The following REPIN1 variants were observed in gnomAD, a reference collection of about 807,000 sequenced individuals.
REPIN1 encodes the protein replication initiator 1, also known as DNA-binding protein REPIN1.
In REPIN1, 4 loss-of-function variants were observed where a neutral mutation model predicts 5.7. The observed-to-expected ratio is 0.71, with a 90% CI of 0.35 to 1.62. The LOEUF (loss-of-function observed/expected upper bound fraction) is 1.62. Among genes scored for constraint, REPIN1 ranks in the 40% most tolerant of loss-of-function variants. The pLI is 0.05. For missense variants in REPIN1, 854 were observed against 901.0 expected (o/e 0.95, Z 0.67); for synonymous variants, 410 against 386.2 (o/e 1.06, Z -0.72).
At position 150,372,543 on chromosome 7, in the gene REPIN1, G is replaced by A. The variant is rs772191581; in HGVS notation, c.1473G>A (p.Glu491=). ...CCGGCGAGCGGCCCTTCGCCTGCGA[G>A]GAGTGCGGCCGCCGCTTCTCCCAGG... The part of the protein sequence containing the change: ...VHSGERPFAC[E]ECGRRFSQGS... Residue 491 remains glutamate (E), a synonymous_variant, in exon 3 of 3, where the codon GAG becomes GAA. Coordinates refer to ENST00000489432, the MANE Select transcript of REPIN1 (RefSeq NM_001099695.2). The A allele has an allele frequency of 3.8e-6, 6 of 1,567,950 alleles. No individual in the cohort carries two copies. Among genetic ancestry groups the A allele is most frequent in the Middle Eastern group, 1.7e-4 (1 of 5,896 alleles).
Position 150,372,502 on chromosome 7 carries a change from C to T in REPIN1, c.1432C>T (p.His478Tyr). ...NFGKKTHLVA[H>Y]SRVHSGERPF... ...CGGCAAGAAGACGCACCTGGTGGCG[C>T]ACTCGCGCGTGCACTCCGGCGAGCG... The change falls in exon 3 of 3, where the codon CAC becomes TAC. Residue 478 changes from histidine to tyrosine, a missense_variant. Coordinates refer to ENST00000489432, the MANE Select transcript of REPIN1 (RefSeq NM_001099695.2). 3.9e-6 allele frequency: 6 copies of T among 1,547,636 alleles called. No homozygotes were observed. The highest frequency in any genetic ancestry group is 5.2e-6 in the Non-Finnish European group (6 of 1,152,730).
Position 150,371,430 on chromosome 7 carries a change from A to G in REPIN1, c.360A>G (p.Arg120=). Residue 120 remains arginine (R), a synonymous_variant, in exon 3 of 3, where the codon CGA becomes CGG. Coordinates refer to ENST00000489432, the MANE Select transcript of REPIN1 (RefSeq NM_001099695.2). ...GGGCCCATCGCTGTGCCCACTGTCG[A>G]AGGCACTTCCCTGGCTGGGTGGCTC... ...PGRAHRCAHC[R]RHFPGWVALW... 1 of 1,604,242 alleles carries G rather than the reference A, an allele frequency of 6.2e-7. No homozygotes were observed. Among genetic ancestry groups the G allele is most frequent in the Non-Finnish European group, 8.5e-7 (1 of 1,177,176 alleles).
In REPIN1 at chr7:150,371,715, G is replaced by A; in HGVS notation, c.645G>A (p.Lys215=). 2 of 1,607,946 alleles carry A rather than the reference G, an allele frequency of 1.2e-6. No individual in the cohort carries two copies. The highest frequency in any genetic ancestry group is 1.3e-5 in the African/African-American group (1 of 75,060). Reference sequence around the variant, plus strand: ...GCGAGAGACGCTTCTGGCGACGAAAGCAGCTTCGAGCTCATCTGCGGCGGT... The same window carrying A: ...GCGAGAGACGCTTCTGGCGACGAAAACAGCTTCGAGCTCATCTGCGGCGGT... ...PKCERRFWRR[K]QLRAHLRRCH... Residue 215 remains lysine, a synonymous_variant, in exon 3 of 3, where the codon AAG becomes AAA. Coordinates refer to ENST00000489432, the MANE Select transcript of REPIN1 (RefSeq NM_001099695.2).
chr7:150,370,096 A>G (rs775422165), intron 2 of REPIN1: 2 of 515,128 alleles, frequency 3.9e-6, no homozygotes, highest in Non-Finnish European at 3.4e-6. Context: ...AAGGGCCCTT[A>G]GGAGCCTAAC....
Position 150,371,912 on chromosome 7 carries a change from C to T in REPIN1, c.842C>T (p.Ala281Val), listed in dbSNP as rs558380115. 20 of 1,607,392 alleles carry T rather than the reference C, an allele frequency of 1.2e-5. 1 individual carries two copies. The South Asian group carries it at 1.7e-4, about 13-fold the overall frequency. The change falls in exon 3 of 3, where the codon GCC becomes GTC. Residue 281 changes from alanine to valine, a missense_variant. By Grantham distance (64) the Ala-to-Val change is moderately conservative. Coordinates refer to ENST00000489432, the MANE Select transcript of REPIN1 (RefSeq NM_001099695.2). ...PRPRGRPAVT[A>V]PRPGGDAVDR... is the part of the protein sequence containing the mutation. The stretch of plus-strand genomic sequence containing the variant: ...CCCAGGGGCCGCCCCGCGGTGACCG[C>T]CCCCCGGCCCGGTGGAGATGCCGTC...
chr7:150,371,244 G>T lies in REPIN1; in HGVS notation c.174G>T (p.Met58Ile). The T allele has an allele frequency of 6.3e-7, 1 of 1,597,358 alleles. No individual in the cohort carries two copies. Among genetic ancestry groups the T allele is most frequent in the East Asian group, 2.2e-5 (1 of 44,512 alleles). The change falls in exon 3 of 3, where the codon ATG (methionine) becomes ATT (isoleucine). Residue 58 changes from methionine (M) to isoleucine (I), a missense_variant. Met to Ile is a conservative substitution (Grantham distance 10). Transcript: ENST00000489432. ...CACCCTCAGCAGAGGAAGAACCGAT[G>T]CTGGAACGTCGTTGCAGGGGCCCCC... is the stretch of plus-strand genomic sequence containing the variant. ...LCSLQAEEEP[M>I]LERRCRGPLA... is the part of the protein sequence containing the mutation.
rs774189227 is a variant in REPIN1, at chr7:150,373,470, T to C, written c.*525T>C. On this transcript the variant is annotated 3_prime_UTR_variant, in exon 3 of 3. Transcript: ENST00000489432. ...AGCAAGAGGTGAAGCGAAGCCACTC[T>C]TACCTCTCCCTTCCCCTCCCACCTG... is the stretch of plus-strand genomic sequence containing the variant. 2.9e-5 allele frequency: 5 copies of C among 174,598 alleles called. No homozygotes were observed. The highest frequency in any genetic ancestry group is 4.8e-5 in the African/African-American group (2 of 41,502). The allele number at this position is 174,598 out of a possible 1,614,324, so 10.8% of individuals were successfully genotyped here. A position where few individuals can be genotyped will look rare whatever the true frequency, so the allele number is the denominator to read the frequency against.
Position 150,372,575 on chromosome 7 carries a change from A to T in REPIN1, c.1505A>T (p.His502Leu), listed in dbSNP as rs762466853. 1.2e-6 allele frequency: 2 copies of T among 1,601,580 alleles called. No individual in the cohort carries two copies. The highest frequency in any genetic ancestry group is 1.6e-4 in the Middle Eastern group (1 of 6,066). Residue 502 changes from histidine to leucine, a missense_variant, in exon 3 of 3, where the codon CAT becomes CTT. His to Leu is a moderately conservative substitution (Grantham distance 99, BLOSUM62 -3). Coordinates refer to ENST00000489432, the MANE Select transcript of REPIN1 (RefSeq NM_001099695.2). Reference protein sequence around the residue: ...ECGRRFSQGSHLAAHRRDHAP... With the variant: ...ECGRRFSQGSLLAAHRRDHAP... The stretch of plus-strand genomic sequence containing the variant: ...GGCCGCCGCTTCTCCCAGGGCAGCC[A>T]TCTGGCGGCGCATCGGCGCGACCAC...
intron 2 of REPIN1, 130 bp downstream of exon 2, chr7:150,369,998 G>A (rs904796916): frequency 3.6e-6 from 4 of 1,098,168 alleles, no homozygotes; most frequent in Admixed American, 5.5e-5. Context: ...CTGACACTGG[G>A]AATGAGTGAC....
In REPIN1 at chr7:150,372,101, C is replaced by G. The variant is rs1158702170; in HGVS notation, c.1031C>G (p.Thr344Ser). 1 of 1,612,148 alleles carries G rather than the reference C, an allele frequency of 6.2e-7. No individual in the cohort carries two copies. Among genetic ancestry groups the G allele is most frequent in the Non-Finnish European group, 8.5e-7 (1 of 1,179,676 alleles). Residue 344 changes from threonine (T) to serine (S), a missense_variant, in exon 3 of 3, where the codon ACC becomes AGC. Physicochemically the swap from Thr to Ser is moderately conservative, Grantham distance 58 (BLOSUM62 1). Around this residue, in one of 5 missense-constraint regions of REPIN1, gnomAD observed 327 missense variants for 307.8 expected, o/e 1.06. Coordinates refer to ENST00000489432, the MANE Select transcript of REPIN1 (RefSeq NM_001099695.2). ...CTGACTTCGCACCGGCGCATCCACA[C>G]CGGCGAGAAGCCCTACCCGTGCAAA... ...PYLTSHRRIH[T>S]GEKPYPCKEC...
Position 150,371,908 on chromosome 7 carries a change from AC to A in REPIN1, c.840del (p.Ala281ProfsTer28), listed in dbSNP as rs772028556. 6.2e-7 allele frequency: 1 copy of A among 1,607,242 alleles called. No homozygotes were observed. ...CCGGCCCAGGGGCCGCCCCGCGGTG[AC>A]CGCCCCCCGGCCCGGTGGAGATGCC... ...GPRPRGRPAVTAPRPGGDAVD... is the reference protein window; with the variant it reads ...GPRPRGRPAVXAPRPGGDAVD... On this transcript the variant is annotated frameshift_variant, in exon 3 of 3. Transcript: ENST00000489432. LOFTEE classifies it low-confidence loss of function (END_TRUNC).
Position 150,371,889 on chromosome 7 carries a change from C to A in REPIN1, c.819C>A (p.Pro273=). The A allele has an allele frequency of 6.2e-7, 1 of 1,606,414 alleles. No individual in the cohort carries two copies. Among genetic ancestry groups the A allele is most frequent in the Non-Finnish European group, 8.5e-7 (1 of 1,177,338 alleles). ...CAGCCAAGGCTCTGGGGCCCCGGCCCAGGGGCCGCCCCGCGGTGACCGCCC... is the reference window on the plus strand; with the variant it reads ...CAGCCAAGGCTCTGGGGCCCCGGCCAAGGGGCCGCCCCGCGGTGACCGCCC... The part of the protein sequence containing the change: ...EAAAKALGPR[P]RGRPAVTAPR... The change falls in exon 3 of 3, where the codon CCC becomes CCA. Residue 273 remains proline, a synonymous_variant. Coordinates refer to ENST00000489432, the MANE Select transcript of REPIN1 (RefSeq NM_001099695.2).
chr7:150,369,853 C>G lies in REPIN1; in HGVS notation c.142C>G (p.Leu48Val). The G allele has an allele frequency of 5.0e-6, 8 of 1,607,370 alleles. No individual in the cohort carries two copies. The highest frequency in any genetic ancestry group is 6.8e-6 in the Non-Finnish European group (8 of 1,175,274). ...KRSWKKPHPQ[L>V]CSLQAEEEPM... ...GAGCTGGAAAAAGCCTCATCCCCAG[C>G]TCTGCAGTCTCCAGGGTAGAGTCTG... The change falls in exon 2 of 3, where the codon CTC becomes GTC. Residue 48 changes from leucine to valine, a missense_variant. By Grantham distance (32) the Leu-to-Val change is conservative. Transcript: ENST00000489432.
chr7:150,370,514 C>T, intron 2 of REPIN1: 1 of 522,708 alleles, frequency 1.9e-6, no homozygotes, highest in Non-Finnish European at 3.4e-6. Context: ...CACTTGTCCT[C>T]CAGCCTCCTA....
intron 1 of REPIN1, 188 bp from the exon 2 acceptor site, chr7:150,369,483 C>G: frequency 1.7e-6 from 1 of 584,320 alleles, no homozygotes; most frequent in South Asian, 1.9e-5. Context: ...AGTGTGCTTC[C>G]TTGTTGAAGG....
chr7:150,372,994 G>A lies in REPIN1; in HGVS notation c.*49G>A. 6.4e-7 allele frequency: 1 copy of A among 1,573,936 alleles called. No homozygotes were observed. The highest frequency in any genetic ancestry group is 2.2e-5 in the East Asian group (1 of 44,556). ...CTGAGAGAGGGCTGGGGTCCTTCGT[G>A]GTGGGAGTCGCAGTGGGCTGGGGGT... On this transcript the variant is annotated 3_prime_UTR_variant, in exon 3 of 3. Transcript: ENST00000489432.
Position 150,372,600 on chromosome 7 carries a change from C to T in REPIN1, c.1530C>T (p.His510=), listed in dbSNP as rs1217503046. 1.2e-6 allele frequency: 2 copies of T among 1,606,770 alleles called. No homozygotes were observed. Among genetic ancestry groups the T allele is most frequent in the African/African-American group, 2.7e-5 (2 of 74,972 alleles). Residue 510 remains histidine (H), a synonymous_variant, in exon 3 of 3, where the codon CAC becomes CAT. Transcript: ENST00000489432. Reference sequence around the variant, plus strand: ...ATCTGGCGGCGCATCGGCGCGACCACGCCCCCGATCGGCCCTTCGTGTGTC... The same window carrying T: ...ATCTGGCGGCGCATCGGCGCGACCATGCCCCCGATCGGCCCTTCGTGTGTC... ...GSHLAAHRRD[H]APDRPFVCPD... is the part of the protein sequence containing the mutation.
At chr7:150,369,922 G>C in intron 2 of REPIN1, 54 bp downstream of exon 2, 2 of 1,528,272 alleles carry the variant, frequency 1.3e-6, no homozygotes, top group South Asian at 1.3e-5. Context: ...GGGGTGCACG[G>C]GCGTCCCCAT....
chr7:150,371,014 C>T (rs1473653464), intron 2 of REPIN1: 1 of 664,996 alleles, frequency 1.5e-6, no homozygotes, highest in African/African-American at 1.8e-5. Flanking sequence ...TCCAGGGCAA[C>T]AAAGACATAA....
Sources: allele counts gnomAD v4.1 joint callset, GRCh38; gene constraint gnomAD v4.1.1; regional missense constraint gnomAD v4.1.1; transcripts MANE v1.5; gene names NCBI Gene and HGNC (gene_info 2026-07-23, HGNC 2026-07-21).